PRKAR2A: variants seen among roughly 807,000 people sequenced by gnomAD.
The protein encoded by PRKAR2A is cAMP-dependent protein kinase type II-alpha regulatory subunit.
PRKAR2A carries 29 observed loss-of-function variants against 51.9 expected under a neutral mutation model. The observed-to-expected ratio is 0.56, with a 90% CI of 0.42 to 0.76. The LOEUF is 0.76. PRKAR2A is among the 30% of genes least tolerant of loss of function. The pLI, the probability that PRKAR2A is intolerant of heterozygous loss-of-function variation, is 0.00. For missense variants in PRKAR2A, 445 were observed against 512.1 expected (o/e 0.87, Z 1.26); for synonymous variants, 178 against 186.2 (o/e 0.96, Z 0.36).
chr3:48,752,166 C>A lies in PRKAR2A; in HGVS notation c.1081+10G>T. The stretch of plus-strand genomic sequence containing the variant: ...AAAAAGAATATTAATGCATAAAGAA[C>A]TTTTCTTACCTAAGCATTTGACATC... On this transcript the variant is annotated intron_variant, in intron 10 of 10. Coordinates refer to ENST00000265563, the MANE Select transcript of PRKAR2A (RefSeq NM_004157.4). 2 of 1,597,816 alleles carry A rather than the reference C, an allele frequency of 1.3e-6. No homozygotes were observed. The highest frequency in any genetic ancestry group is 2.2e-5 in the East Asian group (1 of 44,790).
intron 1 of PRKAR2A, among the ~76,000 whole-genome samples, chr3:48,843,323 T>C (rs1324018751): frequency 6.6e-6 from 1 of 152,106 alleles, no homozygotes; most frequent in Admixed American, 6.6e-5. Flanking sequence ...GTCTTGCTAG[T>C]GGTCTATCAA....
intron 1 of PRKAR2A, among the ~76,000 whole-genome samples, chr3:48,819,359 G>C (rs2082925127): frequency 6.6e-6 from 1 of 152,102 alleles, no homozygotes; most frequent in Non-Finnish European, 1.5e-5. Context: ...CCCACTACGT[G>C]CAAGTATTAT....
intron 9 of PRKAR2A, among the ~76,000 whole-genome samples, chr3:48,752,923 T>C (rs1466531892): frequency 6.0e-4 from 64 of 106,230 alleles, no homozygotes; most frequent in African/African-American, 2.3e-3. Context: ...CTCCTTTTTT[T>C]TTTTTTTTTT....
At chr3:48,758,580 C>CA (rs527383934) in intron 8 of PRKAR2A, among the ~76,000 whole-genome samples, 3,821 of 50,216 alleles carry the variant, frequency 0.076, 76 homozygotes, top group Non-Finnish European at 0.083. Context: ...AAGACTGTCT[C>CA]AAAAAAAAAA....
chr3:48,773,560 G>T (rs754066075), intron 5 of PRKAR2A, among the ~76,000 whole-genome samples: 1 of 151,556 alleles, frequency 6.6e-6, no homozygotes, highest in African/African-American at 2.4e-5. Context: ...GGATGGTCTC[G>T]ATCTCCTGGC....
chr3:48,847,330 C>T lies in PRKAR2A; in HGVS notation c.262+5G>A, dbSNP rs373590113. The T allele has an allele frequency of 3.9e-5, 63 of 1,613,332 alleles. No homozygotes were observed. The highest frequency in any genetic ancestry group is 4.9e-5 in the Non-Finnish European group (58 of 1,179,654). On this transcript the variant is annotated splice_donor_5th_base_variant and intron_variant, in intron 1 of 10. Transcript: ENST00000265563. This position sits in a 1 kb window ranked among gnomAD's most constrained non-coding sequence, Gnocchi z 4.4. The stretch of plus-strand genomic sequence containing the variant: ...CCACTCCCCAGGGCCCCGCCCACAG[C>T]CTACCTTCCAAGTCCTCGTCCTCCT...
chr3:48,757,315 C>T (rs939216076), intron 8 of PRKAR2A, among the ~76,000 whole-genome samples: 3 of 152,086 alleles, frequency 2.0e-5, no homozygotes, highest in Admixed American at 6.6e-5. Flanking sequence ...GGCTTGATGA[C>T]TTTTTACAAA....
At chr3:48,807,750 T>G in intron 1 of PRKAR2A, 66 bp from the exon 2 acceptor site, 2 of 1,404,372 alleles carry the variant, frequency 1.4e-6, no homozygotes, top group Non-Finnish European at 2.0e-6. Context: ...ATCCTCCCTT[T>G]TTGCAAAAGT....
At chr3:48,825,207 G>C (rs1222966176) in intron 1 of PRKAR2A, among the ~76,000 whole-genome samples, 2 of 151,242 alleles carry the variant, frequency 1.3e-5, no homozygotes, top group Non-Finnish European at 2.9e-5. Context: ...AACTAATTTG[G>C]GTTTCTCCAT....
chr3:48,773,366 C>T (rs192191945), intron 5 of PRKAR2A, among the ~76,000 whole-genome samples: 187 of 105,648 alleles, frequency 1.8e-3, no homozygotes, highest in Non-Finnish European at 2.6e-3. Context: ...TTTTTTGAGA[C>T]GGAGTCTCGC....
Position 48,774,794 on chromosome 3 carries a change from G to A in PRKAR2A, c.543-1686C>T, listed in dbSNP as rs77362747. ...CAAATGGTATTTCATTGTGTACTAT[G>A]CCACACTTTCTTTCTTTCTTCCTTT... is the stretch of plus-strand genomic sequence containing the variant. On this transcript the variant is annotated intron_variant, in intron 5 of 10. Transcript: ENST00000265563. 4.3e-3 allele frequency among the ~76,000 whole-genome samples: 648 copies of A among 152,160 alleles called. 5 individuals are homozygous for A. Among genetic ancestry groups the A allele is most frequent in the African/African-American group, 0.015 (608 of 41,524 alleles).
At chr3:48,755,292 G>A (rs541912244) in intron 9 of PRKAR2A, among the ~76,000 whole-genome samples, 7 of 151,584 alleles carry the variant, frequency 4.6e-5, no homozygotes, top group East Asian at 1.9e-4. Flanking sequence ...CACCGTGCCC[G>A]GCTACTTATT....
intron 3 of PRKAR2A, among the ~76,000 whole-genome samples, chr3:48,792,759 C>A (rs1288942971): frequency 6.6e-6 from 1 of 152,124 alleles, no homozygotes; most frequent in Non-Finnish European, 1.5e-5. Context: ...CCACACCCAA[C>A]CTATAACATC....
In PRKAR2A at chr3:48,748,147, A is replaced by C. The variant is rs2081588453; in HGVS notation, c.*3438T>G. ...GGATGACTTTTTTTTTTTTTTTTTG[A>C]GATAGGGTCCCACTTTGTCCCCCAG... On this transcript the variant is annotated 3_prime_UTR_variant, in exon 11 of 11. Coordinates refer to ENST00000265563, the MANE Select transcript of PRKAR2A (RefSeq NM_004157.4). The C allele has an allele frequency of 7.2e-6, 1 of 137,948 alleles. No homozygotes were observed. Among genetic ancestry groups the C allele is most frequent in the Non-Finnish European group, 1.6e-5 (1 of 63,424 alleles). The allele number at this position is 137,948 out of a possible 1,614,324, so 8.5% of individuals were successfully genotyped here.
chr3:48,802,707 T>C (rs2082609860), intron 2 of PRKAR2A, among the ~76,000 whole-genome samples: 1 of 152,060 alleles, frequency 6.6e-6, no homozygotes, highest in African/African-American at 2.4e-5. Flanking sequence ...AGTCTCAGAA[T>C]AGAAGTAGAA....
At chr3:48,776,224 A>C (rs1232564598) in intron 5 of PRKAR2A, among the ~76,000 whole-genome samples, 3 of 152,194 alleles carry the variant, frequency 2.0e-5, no homozygotes, top group African/African-American at 4.8e-5. Flanking sequence ...CACTCTCAAC[A>C]TACCACTGAG....
At chr3:48,760,289 G>T (rs897802272) in intron 8 of PRKAR2A, among the ~76,000 whole-genome samples, 1 of 152,124 alleles carries the variant, frequency 6.6e-6, no homozygotes, top group Non-Finnish European at 1.5e-5. Flanking sequence ...CTGGGGAGGT[G>T]GAGGTTGTAG....
intron 3 of PRKAR2A, among the ~76,000 whole-genome samples, chr3:48,791,592 CAAAAAAAAAA>C (rs35978535): frequency 9.6e-5 from 4 of 41,830 alleles, no homozygotes; most frequent in Non-Finnish European, 1.2e-4. Context: ...GATTCCGTCT[CAAAAAAAAAA>C]AAAAAAAAAA....
chr3:48,841,090 TAGTC>T (rs1488447590), intron 1 of PRKAR2A, among the ~76,000 whole-genome samples: 2 of 149,470 alleles, frequency 1.3e-5, no homozygotes, highest in African/African-American at 4.9e-5. Context: ...TTTACCATAT[TAGTC>T]AGGCTGGTCT....
Sources: allele counts gnomAD v4.1 joint callset (sites outside exome capture counted in the v4.1 genomes callset), GRCh38; gene constraint gnomAD v4.1.1; non-coding constraint Gnocchi (gnomAD v3.1); transcripts MANE v1.5; gene names NCBI Gene and HGNC (gene_info 2026-07-23, HGNC 2026-07-21).